The following SLCO1C1 variants were observed in gnomAD, a reference collection of about 807,000 sequenced individuals.
SLCO1C1 encodes OAT-RP-5.
In SLCO1C1, 70 loss-of-function variants were observed where a neutral mutation model predicts 76.4. That is an observed-to-expected ratio of 0.92 (90% CI 0.76 to 1.12). The LOEUF (loss-of-function observed/expected upper bound fraction) is 1.12, where lower values mean the gene tolerates loss of function less well. Ranked by LOEUF, SLCO1C1 falls within the 50% of genes most tolerant of loss-of-function variation. The pLI is 0.00. For synonymous variants in SLCO1C1, 306 were observed against 286.1 expected (o/e 1.07, Z -0.70); for missense variants, 912 against 823.8 (o/e 1.11, Z -1.31).
At chr12:20,730,931 G>A (rs1565530474) in intron 9 of SLCO1C1, among the ~76,000 whole-genome samples, 2 of 152,144 alleles carry the variant, frequency 1.3e-5, no homozygotes, top group Non-Finnish European at 2.9e-5. Context: ...AAGAGAGTTT[G>A]CTGCCCCTCC....
At position 20,752,599 on chromosome 12, in the gene SLCO1C1, G is replaced by A; in HGVS notation, c.*71G>A. 6 of 1,300,518 alleles carry A rather than the reference G, an allele frequency of 4.6e-6. No homozygotes were observed. Among genetic ancestry groups the A allele is most frequent in the Non-Finnish European group, 6.3e-6 (6 of 959,452 alleles). 80.6% of individuals were successfully genotyped at this position (1,300,518 alleles called of 1,614,324 possible). On this transcript the variant is annotated 3_prime_UTR_variant, in exon 15 of 15. Coordinates refer to ENST00000266509, the MANE Select transcript of SLCO1C1 (RefSeq NM_017435.5). ...GCAAACAAATAAATTGTAATCAAAA[G>A]AGCTCTAAATTTGTAATTTCTTTCT...
intron 11 of SLCO1C1, among the ~76,000 whole-genome samples, chr12:20,737,567 C>T (rs117245991): frequency 0.01 from 1,597 of 152,218 alleles, 21 homozygotes; most frequent in South Asian, 0.056. Flanking sequence ...GAATGTCTGT[C>T]GTATGATCAT....
chr12:20,723,347 T>G (rs1242796410), intron 9 of SLCO1C1, 93 bp downstream of exon 9: 13 of 1,461,866 alleles, frequency 8.9e-6, no homozygotes, highest in South Asian at 2.6e-5. Context: ...TTCCAAGATT[T>G]AGGTAATTTA....
At chr12:20,716,271 A>T (rs749578025) in intron 6 of SLCO1C1, among the ~76,000 whole-genome samples, 1 of 152,120 alleles carries the variant, frequency 6.6e-6, no homozygotes, top group Admixed American at 6.5e-5. Flanking sequence ...ACACTTCATC[A>T]CCTGCACTAG....
intron 4 of SLCO1C1, 93 bp downstream of exon 4, chr12:20,706,174 A>G: frequency 7.2e-7 from 1 of 1,397,836 alleles, no homozygotes; most frequent in Admixed American, 2.6e-5. Flanking sequence ...TTTAAGCTTA[A>G]CCCATGATAA....
chr12:20,733,037 T>C lies in SLCO1C1; in HGVS notation c.1315T>C (p.Phe439Leu). The C allele has an allele frequency of 6.2e-7, 1 of 1,613,426 alleles. No homozygotes were observed. The highest frequency in any genetic ancestry group is 1.3e-5 in the African/African-American group (1 of 74,990). ...ATCATCTGTCTTTGGTTACCTCCTA[T>C]TTCTTTCCCTGTTTGCACTGGGCTG... ...LGSSVFGYLL[F>L]LSLFALGCEN... The change falls in exon 10 of 15, where the codon TTT becomes CTT. Residue 439 changes from phenylalanine (F) to leucine (L), a missense_variant. Coordinates refer to ENST00000266509, the MANE Select transcript of SLCO1C1 (RefSeq NM_017435.5).
chr12:20,717,279 A>T, intron 7 of SLCO1C1, 49 bp downstream of exon 7: 1 of 1,410,600 alleles, frequency 7.1e-7, no homozygotes, highest in Non-Finnish European at 9.7e-7. Flanking sequence ...TCACTGTAAC[A>T]TTTTTAATGG....
chr12:20,722,054 G>A lies in SLCO1C1; in HGVS notation c.1021+5G>A. On this transcript the variant is annotated splice_donor_5th_base_variant and intron_variant, in intron 8 of 14. Transcript: ENST00000266509. Reference sequence around the variant, plus strand: ...AAATAATGGAAATGGCAAGAGGTAAGTCAAATTCTTGATTTTGAAGTATTT... The same window carrying A: ...AAATAATGGAAATGGCAAGAGGTAAATCAAATTCTTGATTTTGAAGTATTT... 6.2e-7 allele frequency: 1 copy of A among 1,609,174 alleles called. No individual in the cohort carries two copies. The highest frequency in any genetic ancestry group is 2.2e-5 in the East Asian group (1 of 44,842).
At chr12:20,698,106 A>G (rs1489411161) in intron 1 of SLCO1C1, among the ~76,000 whole-genome samples, 4 of 152,048 alleles carry the variant, frequency 2.6e-5, no homozygotes, top group East Asian at 1.9e-4. Flanking sequence ...AAGTCAAGAT[A>G]TTAAACTTAC....
intron 3 of SLCO1C1, among the ~76,000 whole-genome samples, chr12:20,703,419 TGA>T: frequency 5.6e-5 from 1 of 17,864 alleles, no homozygotes; most frequent in African/African-American, 3.4e-4. Flanking sequence ...TTGTTGTTGT[TGA>T]TATTACCTTA....
intron 13 of SLCO1C1, among the ~76,000 whole-genome samples, chr12:20,747,719 T>G (rs757315249): frequency 3.9e-5 from 6 of 152,176 alleles, no homozygotes; most frequent in Non-Finnish European, 7.4e-5. Context: ...CACCAAATAA[T>G]CCAAATTTAA....
chr12:20,719,789 A>C (rs1156488416), intron 7 of SLCO1C1, among the ~76,000 whole-genome samples: 1 of 152,254 alleles, frequency 6.6e-6, no homozygotes, highest in Non-Finnish European at 1.5e-5. Context: ...ATAACACAAA[A>C]GTGCAAGGTG....
intron 9 of SLCO1C1, among the ~76,000 whole-genome samples, chr12:20,732,703 C>A (rs1913822): frequency 0.99 from 151,508 of 152,284 alleles, 75,375 homozygotes; most frequent in East Asian, 1. Flanking sequence ...TTAATACTCT[C>A]TGCTAGACAG....
rs1387031822 is a variant in SLCO1C1 at position 20,753,256 on chromosome 12, T to C, written c.*728T>C. 6.6e-6 allele frequency: 1 copy of C among 152,222 alleles called. No homozygotes were observed. Among genetic ancestry groups the C allele is most frequent in the African/African-American group, 2.4e-5 (1 of 41,452 alleles). 9.4% of individuals were successfully genotyped at this position (152,222 alleles called of 1,614,324 possible). A position where few individuals can be genotyped will look rare whatever the true frequency, so the allele number is the denominator to read the frequency against. On this transcript the variant is annotated 3_prime_UTR_variant, in exon 15 of 15. Transcript: ENST00000266509. ...TATGAATCCAATGAATTTAAAACTA[T>C]TGTTAAATATAATACTGCCCCACTT...
At chr12:20,719,042 G>T (rs1296645043) in intron 7 of SLCO1C1, among the ~76,000 whole-genome samples, 1 of 151,722 alleles carries the variant, frequency 6.6e-6, no homozygotes, top group East Asian at 1.9e-4. Flanking sequence ...GATAGCATGT[G>T]TTCACTTTGG....
At chr12:20,715,396 A>C (rs1329681695) in intron 6 of SLCO1C1, 111 bp downstream of exon 6, 34 of 1,219,424 alleles carry the variant, frequency 2.8e-5, no homozygotes, top group Non-Finnish European at 3.9e-5. Context: ...TTCATATCCA[A>C]CTCCTTTATT....
chr12:20,701,236 T>C (rs1946511339), intron 2 of SLCO1C1, 82 bp from the exon 3 acceptor site: 1 of 1,277,210 alleles, frequency 7.8e-7, no homozygotes, highest in Non-Finnish European at 1.0e-6. Flanking sequence ...TTGTTTGTTT[T>C]GTATTTGTTT....
rs1565523639 is a variant in SLCO1C1 at position 20,724,431 on chromosome 12, ATATATATATATATATATATATGTG to A, written c.1186+1179_1186+1202del. 1.4e-4 allele frequency among the ~76,000 whole-genome samples: 18 copies of A among 126,050 alleles called. 1 individual carries two copies. The highest frequency in any genetic ancestry group is 6.4e-4 in the East Asian group (3 of 4,682). The allele number at this position is 126,050 out of a possible 152,430, so 82.7% of individuals were successfully genotyped here. A position where few individuals can be genotyped will look rare whatever the true frequency, so the allele number is the denominator to read the frequency against. On this transcript the variant is annotated intron_variant, in intron 9 of 14. Transcript: ENST00000266509. ...TGTGTGTATATATATATATATATAT[ATATATATATATATATATATATGTG>A]TGTGTGTGTGTGTGTGTGTGTGTCA...
At chr12:20,748,761 T>A (rs891476923) in intron 13 of SLCO1C1, among the ~76,000 whole-genome samples, 2 of 152,150 alleles carry the variant, frequency 1.3e-5, no homozygotes, top group Admixed American at 1.3e-4. Context: ...ATTGGATGTG[T>A]TTGTTTGCTT....
Sources: allele counts gnomAD v4.1 joint callset (sites outside exome capture counted in the v4.1 genomes callset), GRCh38; gene constraint gnomAD v4.1.1; transcripts MANE v1.5; gene names NCBI Gene and HGNC (gene_info 2026-07-23, HGNC 2026-07-21).